Variants in CRLS1 observed in about 807,000 individuals in gnomAD.
CRLS1 encodes the protein cardiolipin synthase (CMP-forming).
Under a neutral mutation model 37.0 loss-of-function variants are expected in CRLS1, and 24 were observed. That is an observed-to-expected ratio of 0.65 (90% CI 0.47 to 0.91). The LOEUF is 0.91. Among genes scored for constraint, CRLS1 ranks in the 40% least tolerant of loss-of-function variants. The probability of loss-of-function intolerance (pLI) is 0.00; values close to 1 mark genes in which losing one functional copy is unlikely to be tolerated. For missense variants in CRLS1, 373 were observed against 395.8 expected (o/e 0.94, Z 0.49); for synonymous variants, 135 against 159.7 (o/e 0.85, Z 1.17).
intron 5 of CRLS1, among the ~76,000 whole-genome samples, chr20:6,033,113 T>G (rs1198900755): frequency 6.9e-6 from 1 of 145,708 alleles, no homozygotes; most frequent in Non-Finnish European, 1.5e-5. Context: ...TTATTTTAAT[T>G]TAATTTAATT....
chr20:6,012,232 C>A (rs1978378552), intron 2 of CRLS1, among the ~76,000 whole-genome samples: 1 of 152,204 alleles, frequency 6.6e-6, no homozygotes, highest in East Asian at 1.9e-4. Context: ...TCAGTTTAAG[C>A]CAGGGAACGA....
At chr20:6,029,138 A>ATTT (rs11087706) in intron 3 of CRLS1, among the ~76,000 whole-genome samples, 1 of 147,506 alleles carries the variant, frequency 6.8e-6, no homozygotes, top group Non-Finnish European at 1.5e-5. Flanking sequence ...GGAACCCTTG[A>ATTT]TTTTTTTTTT....
intron 6 of CRLS1, among the ~76,000 whole-genome samples, chr20:6,035,740 G>C (rs76876026): frequency 0.015 from 2,327 of 152,184 alleles, 56 homozygotes; most frequent in African/African-American, 0.053. Flanking sequence ...TTCAGCTTCA[G>C]CCTCCTGAGT....
intron 3 of CRLS1, among the ~76,000 whole-genome samples, chr20:6,018,216 CAA>C (rs57874755): frequency 2.2e-4 from 17 of 78,346 alleles, no homozygotes; most frequent in Admixed American, 4.6e-4. Context: ...ACTCTGTCCT[CAA>C]AAAAAAAAAA....
chr20:6,018,372 A>G (rs1374330180), intron 3 of CRLS1, among the ~76,000 whole-genome samples: 1 of 151,908 alleles, frequency 6.6e-6, no homozygotes, highest in Non-Finnish European at 1.5e-5. Flanking sequence ...TTACATGCTT[A>G]TTTATGTCTT....
chr20:6,039,205 A>T lies in CRLS1; in HGVS notation c.*2047A>T, dbSNP rs1169031979. 1 of 151,908 alleles carries T rather than the reference A, an allele frequency of 6.6e-6. No homozygotes were observed. The highest frequency in any genetic ancestry group is 1.5e-5 in the Non-Finnish European group (1 of 68,002). 9.4% of individuals were successfully genotyped at this position (151,908 alleles called of 1,614,324 possible). A position where few individuals can be genotyped will look rare whatever the true frequency, so the allele number is the denominator to read the frequency against. ...TGAGCCCAAGTGACCCTTTCACCTC[A>T]GCTTCCCAAGTAGCTGGGATTACAG... On this transcript the variant is annotated 3_prime_UTR_variant, in exon 7 of 7. Coordinates refer to ENST00000378863, the MANE Select transcript of CRLS1 (RefSeq NM_019095.6).
chr20:6,029,882 A>G (rs1980014450), intron 3 of CRLS1, among the ~76,000 whole-genome samples: 1 of 151,858 alleles, frequency 6.6e-6, no homozygotes, highest in Non-Finnish European at 1.5e-5. Flanking sequence ...AAGGATCAAT[A>G]TGTACATCAT....
At chr20:6,020,926 C>T (rs188017477) in intron 3 of CRLS1, among the ~76,000 whole-genome samples, 410 of 152,114 alleles carry the variant, frequency 2.7e-3, no homozygotes, top group Non-Finnish European at 4.1e-3. Flanking sequence ...GCCACCGCGC[C>T]CGGCCTAATC....
chr20:6,015,594 GT>G (rs1445396382), intron 3 of CRLS1, 104 bp downstream of exon 3: 1 of 1,145,506 alleles, frequency 8.7e-7, no homozygotes, highest in Admixed American at 1.7e-5. Context: ...CAAAAATATA[GT>G]TTTCAACTTT....
chr20:6,007,312 C>T, intron 1 of CRLS1: 1 of 1,588,350 alleles, frequency 6.3e-7, no homozygotes. Flanking sequence ...CCACTGATAG[C>T]TAAAGCATGT....
chr20:6,032,774 C>T (rs190079217), intron 5 of CRLS1, among the ~76,000 whole-genome samples: 1 of 152,186 alleles, frequency 6.6e-6, no homozygotes, highest in South Asian at 2.1e-4. Flanking sequence ...TAAGTTTTCT[C>T]AGTTCATTCT....
chr20:6,027,571 C>T (rs1166803437), intron 3 of CRLS1, among the ~76,000 whole-genome samples: 22 of 151,502 alleles, frequency 1.5e-4, no homozygotes, highest in African/African-American at 5.3e-4. Context: ...TGCACCACCA[C>T]GCCGAGCTAA....
intron 3 of CRLS1, among the ~76,000 whole-genome samples, chr20:6,021,675 CT>C (rs1329787555): frequency 6.6e-6 from 1 of 152,032 alleles, no homozygotes. Context: ...CCCATATAGT[CT>C]TTTAACAGAA....
At chr20:6,018,449 C>G (rs1978944928) in intron 3 of CRLS1, among the ~76,000 whole-genome samples, 1 of 152,040 alleles carries the variant, frequency 6.6e-6, no homozygotes, top group Non-Finnish European at 1.5e-5. Context: ...TTTTACTTGC[C>G]TTACTGCACT....
rs569640460 is a variant in CRLS1, at chr20:6,025,731, A to G, written c.575-5554A>G. 2.0e-5 allele frequency among the ~76,000 whole-genome samples: 3 copies of G among 152,344 alleles called. No homozygotes were observed. The East Asian group carries it at 5.8e-4, about 29-fold the overall frequency. ...CATGGGAGAAAGTCAAAATATCACC[A>G]TTAACTGGATTTTTGGAAGAAGTTG... On this transcript the variant is annotated intron_variant, in intron 3 of 6. Transcript: ENST00000378863.
Position 6,006,365 on chromosome 20 carries a change from G to C in CRLS1, c.119G>C (p.Cys40Ser). Residue 40 changes from cysteine (C) to serine (S), a missense_variant, in exon 1 of 7, where the codon TGC (cysteine) becomes TCC (serine). Transcript: ENST00000378863. ...ACWALLPPVP[C>S]CLGCLAERWR... ...TGGGCCCTGCTGCCGCCCGTGCCCTGCTGCTTGGGCTGCCTGGCCGAACGC... is the reference window on the plus strand; with the variant it reads ...TGGGCCCTGCTGCCGCCCGTGCCCTCCTGCTTGGGCTGCCTGGCCGAACGC... The C allele has an allele frequency of 7.1e-7, 1 of 1,402,444 alleles. No individual in the cohort carries two copies. Among genetic ancestry groups the C allele is most frequent in the Non-Finnish European group, 9.3e-7 (1 of 1,075,942 alleles). The allele number at this position is 1,402,444 out of a possible 1,614,324, so 86.9% of individuals were successfully genotyped here.
chr20:6,006,488 C>A lies in CRLS1; in HGVS notation c.242C>A (p.Ala81Asp). Residue 81 changes from alanine (A) to aspartate (D), a missense_variant, in exon 1 of 7, where the codon GCC becomes GAC. Coordinates refer to ENST00000378863, the MANE Select transcript of CRLS1 (RefSeq NM_019095.6). The stretch of plus-strand genomic sequence containing the variant: ...GGGAAGGCGGCTCCCAGGCCAGCGG[C>A]CGGAGCGGGCGCCGCTGCCGAAGCC... ...GAGKAAPRPAAGAGAAAEAPG... is the reference protein window; with the variant it reads ...GAGKAAPRPADGAGAAAEAPG... The A allele has an allele frequency of 7.3e-7, 1 of 1,374,150 alleles. No individual in the cohort carries two copies. Among genetic ancestry groups the A allele is most frequent in the Non-Finnish European group, 9.4e-7 (1 of 1,068,942 alleles). The allele number at this position is 1,374,150 out of a possible 1,614,324, so 85.1% of individuals were successfully genotyped here.
rs748561024 is a variant in CRLS1 at position 6,037,996 on chromosome 20, CTCTT to C, written c.*844_*847del. On this transcript the variant is annotated 3_prime_UTR_variant, in exon 7 of 7. Transcript: ENST00000378863. ...TCAAAGGTTTTTTAAACTTTGGAGA[CTCTT>C]TCTTTTGTTAAGCAGTTAAAGGAAT... 4 of 152,220 alleles carry C rather than the reference CTCTT, an allele frequency of 2.6e-5. No individual in the cohort carries two copies. The highest frequency in any genetic ancestry group is 3.9e-4 in the East Asian group (2 of 5,188). The allele number at this position is 152,220 out of a possible 1,614,324, so 9.4% of individuals were successfully genotyped here.
At chr20:6,032,990 A>C (rs866880274) in intron 5 of CRLS1, among the ~76,000 whole-genome samples, 1 of 152,048 alleles carries the variant, frequency 6.6e-6, no homozygotes, top group Non-Finnish European at 1.5e-5. Context: ...ATTTGAGTGT[A>C]GCGTTACATG....
Sources: allele counts gnomAD v4.1 joint callset (sites outside exome capture counted in the v4.1 genomes callset), GRCh38; gene constraint gnomAD v4.1.1; transcripts MANE v1.5; gene names NCBI Gene and HGNC (gene_info 2026-07-23, HGNC 2026-07-21).